Variants in LPIN2 observed in about 807,000 individuals in gnomAD.
LPIN2 encodes the protein phosphatidate phosphatase LPIN2.
A neutral mutation model predicts 111.4 loss-of-function variants in LPIN2; 55 were observed. The ratio of observed to expected loss-of-function variants is 0.49; its 90% CI spans 0.40 to 0.62. The LOEUF (loss-of-function observed/expected upper bound fraction) is 0.62. LPIN2 is among the 20% of genes least tolerant of loss of function. LPIN2 has a pLI of 0.00. For missense variants in LPIN2, 992 were observed against 1,112.1 expected (o/e 0.89, Z 1.54); for synonymous variants, 425 against 414.0 (o/e 1.03, Z -0.32).
intron 1 of LPIN2, among the ~76,000 whole-genome samples, chr18:2,970,471 C>A (rs1350166349): frequency 6.6e-6 from 1 of 152,260 alleles, no homozygotes; most frequent in Non-Finnish European, 1.5e-5. Context: ...GCTTGGAACA[C>A]TGACACCCCA....
rs552881014 is a variant in LPIN2 at position 2,943,724 on chromosome 18, T to G, written c.591-3012A>C. On this transcript the variant is annotated intron_variant, in intron 4 of 19. Coordinates refer to ENST00000677752, the MANE Select transcript of LPIN2 (RefSeq NM_001375808.2). ...GAAAAATTTTAAATACATCTCCCAG[T>G]ATCAGATGTTTATGTACTCCATGTG... Among the ~76,000 whole-genome samples, 5 of 152,330 alleles carry G rather than the reference T, an allele frequency of 3.3e-5. No individual in the cohort carries two copies. The South Asian group carries it at 1.0e-3, about 32-fold the overall frequency.
rs527620621 is a variant in LPIN2, at chr18:2,998,269, C to T, written c.-10+14818G>A. 2.6e-5 allele frequency among the ~76,000 whole-genome samples: 4 copies of T among 152,352 alleles called. No individual in the cohort carries two copies. The South Asian group carries it at 8.3e-4, about 32-fold the overall frequency. Reference sequence around the variant, plus strand: ...GCTATTTTTAAGTAGTTTTGCAAAACAAATGCCAAGTAAGGCTGCACCAGT... The same window carrying T: ...GCTATTTTTAAGTAGTTTTGCAAAATAAATGCCAAGTAAGGCTGCACCAGT... On this transcript the variant is annotated intron_variant, in intron 1 of 19. Transcript: ENST00000677752.
chr18:2,921,782 T>C (rs565551410), intron 17 of LPIN2, 135 bp from the exon 18 acceptor site: 36 of 791,532 alleles, frequency 4.5e-5, no homozygotes, highest in Admixed American at 1.1e-4. Context: ...TTCTCCTTCT[T>C]TGCCAGTCTG....
intron 8 of LPIN2, among the ~76,000 whole-genome samples, chr18:2,933,151 GTCTC>G (rs1224457390): frequency 2.6e-5 from 4 of 152,290 alleles, no homozygotes; most frequent in East Asian, 1.9e-4. Context: ...GATTACAAGA[GTCTC>G]ACTCACTATC....
intron 4 of LPIN2, among the ~76,000 whole-genome samples, chr18:2,944,287 A>T (rs1008023814): frequency 2.3e-4 from 34 of 148,380 alleles, no homozygotes; most frequent in South Asian, 4.2e-4. Flanking sequence ...GTCATAAAGC[A>T]ACTCCATATA....
At chr18:2,938,304 A>G (rs2077319318) in intron 6 of LPIN2, among the ~76,000 whole-genome samples, 2 of 151,886 alleles carry the variant, frequency 1.3e-5, no homozygotes, top group Admixed American at 6.6e-5. Flanking sequence ...TGGGCAGATC[A>G]CTTGAGGTCA....
At chr18:2,992,027 A>C (rs2078273679) in intron 1 of LPIN2, among the ~76,000 whole-genome samples, 1 of 150,276 alleles carries the variant, frequency 6.7e-6, no homozygotes, top group Non-Finnish European at 1.5e-5. Context: ...AAAAAGTATA[A>C]TACAATAAAA....
At chr18:2,926,091 C>T (rs1215697121) in intron 13 of LPIN2, among the ~76,000 whole-genome samples, 1 of 152,150 alleles carries the variant, frequency 6.6e-6, no homozygotes, top group Admixed American at 6.5e-5. Flanking sequence ...TGCCATTGCA[C>T]CCCAGCCTGA....
At position 2,923,595 on chromosome 18, in the gene LPIN2, G is replaced by A. The variant is rs187205632; in HGVS notation, c.2174+180C>T. Among the ~76,000 whole-genome samples, 94 of 152,190 alleles carry A rather than the reference G, an allele frequency of 6.2e-4. 1 individual carries two copies. Among genetic ancestry groups the A allele is most frequent in the African/African-American group, 2.1e-3 (87 of 41,528 alleles). On this transcript the variant is annotated intron_variant, in intron 16 of 19. Transcript: ENST00000677752. ...GGATTAACTGAGATGACACAGGTTCGATGCCAATGCCAGGTGCACACGGCT... is the reference window on the plus strand; with the variant it reads ...GGATTAACTGAGATGACACAGGTTCAATGCCAATGCCAGGTGCACACGGCT...
intron 1 of LPIN2, among the ~76,000 whole-genome samples, chr18:2,983,522 A>G (rs1316667661): frequency 1.3e-5 from 2 of 152,160 alleles, no homozygotes; most frequent in Non-Finnish European, 2.9e-5. Context: ...AACATATTAG[A>G]TTTCTGAATT....
rs139654849 is a variant in LPIN2, at chr18:2,940,605, G to A, written c.698C>T (p.Thr233Ile). ...LSDGDWSPLE[T>I]TYPQTACPKS... ...ACCAAGAAATTTCAAAGATACTTAC[G>A]TCTCTAAAGGGGACCAATCTCCATC... Residue 233 changes from threonine to isoleucine, a missense_variant and splice_region_variant, in exon 5 of 20, where the codon ACC (threonine) becomes ATC (isoleucine). By Grantham distance (89) the Thr-to-Ile change is moderately conservative (BLOSUM62 -1). Transcript: ENST00000677752. 8.0e-5 allele frequency: 127 copies of A among 1,586,558 alleles called. No homozygotes were observed. Among genetic ancestry groups the A allele is most frequent in the South Asian group, 2.4e-4 (22 of 90,254 alleles).
chr18:3,009,931 T>C (rs577890130), intron 1 of LPIN2, among the ~76,000 whole-genome samples: 6 of 152,284 alleles, frequency 3.9e-5, no homozygotes, highest in African/African-American at 1.4e-4. Flanking sequence ...TAAAACACAG[T>C]TTACCTCCCA....
At chr18:3,010,064 C>T (rs112932676) in intron 1 of LPIN2, among the ~76,000 whole-genome samples, 4 of 152,174 alleles carry the variant, frequency 2.6e-5, no homozygotes, top group African/African-American at 9.7e-5. Flanking sequence ...CAAGTGGCCC[C>T]GGCAGGATTC....
In LPIN2 at chr18:2,960,787, G is replaced by T. The variant is rs753729438; in HGVS notation, c.54C>A (p.Leu18=). 24 of 1,613,986 alleles carry T rather than the reference G, an allele frequency of 1.5e-5. No homozygotes were observed. The highest frequency in any genetic ancestry group is 1.9e-5 in the Non-Finnish European group (23 of 1,180,022). ...AGQVIVTVKE[L]YKGINQATLS... is the part of the protein sequence containing the mutation. ...GGGTGGCCTGGTTAATGCCCTTGTA[G>T]AGTTCCTTCACAGTGACAATCACCT... The change falls in exon 2 of 20, where the codon CTC becomes CTA. Residue 18 remains leucine, a synonymous_variant. Coordinates refer to ENST00000677752, the MANE Select transcript of LPIN2 (RefSeq NM_001375808.2).
chr18:2,970,712 T>G (rs772770320), intron 1 of LPIN2, among the ~76,000 whole-genome samples: 1 of 152,228 alleles, frequency 6.6e-6, no homozygotes, highest in Non-Finnish European at 1.5e-5. Context: ...GATAACACTT[T>G]ATGCTACTTA....
chr18:2,982,467 A>G (rs1042721563), intron 1 of LPIN2, among the ~76,000 whole-genome samples: 8 of 152,218 alleles, frequency 5.3e-5, no homozygotes. Context: ...AAGATGGCAT[A>G]GTAAATGCAG....
At chr18:2,977,909 G>A (rs2078046757) in intron 1 of LPIN2, among the ~76,000 whole-genome samples, 1 of 152,174 alleles carries the variant, frequency 6.6e-6, no homozygotes, top group African/African-American at 2.4e-5. Flanking sequence ...AGTTTGAGGA[G>A]AGGCCGGGCT....
chr18:2,999,663 C>T (rs868048259), intron 1 of LPIN2, among the ~76,000 whole-genome samples: 3 of 151,078 alleles, frequency 2.0e-5, no homozygotes, highest in African/African-American at 7.3e-5. Flanking sequence ...CACAGAAGAA[C>T]GCCATGTGAA....
chr18:2,945,210 CAT>C (rs2077431879), intron 4 of LPIN2, among the ~76,000 whole-genome samples: 1 of 152,052 alleles, frequency 6.6e-6, no homozygotes. Context: ...AATACAAAGA[CAT>C]AAAAAAAGTT....
Sources: allele counts gnomAD v4.1 joint callset (sites outside exome capture counted in the v4.1 genomes callset), GRCh38; gene constraint gnomAD v4.1.1; transcripts MANE v1.5; gene names NCBI Gene and HGNC (gene_info 2026-07-23, HGNC 2026-07-21).